The following RNPC3 variants were observed in gnomAD, a reference collection of about 807,000 sequenced individuals.
RNPC3 encodes the protein RNA binding region (RNP1, RRM) containing 3, also known as RNA-binding region-containing protein 3.
A neutral mutation model predicts 67.5 loss-of-function variants in RNPC3; 48 were observed. The observed-to-expected ratio is 0.71, with a 90% confidence interval of 0.56 to 0.90. RNPC3 has a LOEUF of 0.90. Ranked by LOEUF, RNPC3 falls within the 40% of genes least tolerant of loss-of-function variation. RNPC3 has a pLI of 0.00. For missense variants in RNPC3, 637 were observed against 626.1 expected (o/e 1.02, Z -0.19); for synonymous variants, 239 against 210.3 (o/e 1.14, Z -1.18).
chr1:103,536,222 C>T (rs535478044), intron 6 of RNPC3, 28 bp downstream of exon 6: 105 of 1,478,450 alleles, frequency 7.1e-5, no homozygotes, highest in South Asian at 5.3e-4. Flanking sequence ...ATTTTCAAGT[C>T]AAAATTTCTC....
At chr1:103,545,228 T>A in intron 10 of RNPC3, 126 bp downstream of exon 10, 1 of 688,966 alleles carries the variant, frequency 1.5e-6, no homozygotes, top group Non-Finnish European at 2.3e-6. Context: ...TCTCTCCAAT[T>A]AATGTTTGTA....
chr1:103,536,587 A>G (rs1018889798), intron 6 of RNPC3, among the ~76,000 whole-genome samples: 2 of 152,220 alleles, frequency 1.3e-5, no homozygotes, highest in South Asian at 2.1e-4. Flanking sequence ...AAATCTGTCA[A>G]TAATTTAGAA....
chr1:103,553,746 A>G (rs999533353), intron 14 of RNPC3: 3 of 152,218 alleles, frequency 2.0e-5, no homozygotes, highest in Admixed American at 6.5e-5. Context: ...AAGTACTTAC[A>G]TTGAAAATTA....
At position 103,540,654 on chromosome 1, in the gene RNPC3, T is replaced by C. The variant is rs757678900; in HGVS notation, c.768-696T>C. Among the ~76,000 whole-genome samples, 6 of 152,332 alleles carry C rather than the reference T, an allele frequency of 3.9e-5. No homozygotes were observed. In the East Asian group the frequency reaches 1.2e-3, roughly 29 times the overall value. On this transcript the variant is annotated intron_variant, in intron 7 of 14. Transcript: ENST00000423855. ...CCTCCTTCCTCTCTTTTGTATTTTG[T>C]TGTGTGTGTATTTTACAAATACCAC... is the stretch of plus-strand genomic sequence containing the variant.
chr1:103,535,612 G>T (rs13376070), intron 5 of RNPC3, among the ~76,000 whole-genome samples, 171 bp downstream of exon 5: 2 of 151,846 alleles, frequency 1.3e-5, no homozygotes, highest in African/African-American at 4.8e-5. Context: ...ATAAGGTATC[G>T]TATAAGTGGA....
At chr1:103,544,811 T>C (rs1285334264) in intron 9 of RNPC3, 130 bp from the exon 10 acceptor site, 12 of 524,844 alleles carry the variant, frequency 2.3e-5, no homozygotes, top group Admixed American at 1.6e-4. Context: ...CCTCTTTTAG[T>C]ATATTGAGAA....
intron 2 of RNPC3, among the ~76,000 whole-genome samples, chr1:103,528,521 TGA>T (rs754987880): frequency 2.6e-5 from 4 of 152,128 alleles, no homozygotes; most frequent in Admixed American, 1.3e-4. Flanking sequence ...ATATAGGGGT[TGA>T]GAGAGAATAG....
At chr1:103,547,272 C>T (rs929891709) in intron 12 of RNPC3, among the ~76,000 whole-genome samples, 3 of 152,138 alleles carry the variant, frequency 2.0e-5, no homozygotes, top group African/African-American at 7.2e-5. Flanking sequence ...CATACAGTGT[C>T]TGTTGGAATT....
At chr1:103,533,250 T>A (rs1650905153) in intron 2 of RNPC3, among the ~76,000 whole-genome samples, 1 of 152,068 alleles carries the variant, frequency 6.6e-6, no homozygotes, top group African/African-American at 2.4e-5. Context: ...ATGTCATCAA[T>A]TCTGTTGTCT....
chr1:103,539,397 G>A (rs147499264), intron 7 of RNPC3, among the ~76,000 whole-genome samples: 19,514 of 152,242 alleles, frequency 0.13, 1,579 homozygotes, highest in Admixed American at 0.2. Context: ...AAATGGGAGT[G>A]AATACACTAT....
chr1:103,529,898 C>T (rs7554284), intron 2 of RNPC3, among the ~76,000 whole-genome samples: 14,984 of 152,160 alleles, frequency 0.098, 965 homozygotes, highest in Non-Finnish European at 0.13. Flanking sequence ...AGGGCGACTC[C>T]GCCTGGCTGC....
chr1:103,540,334 A>T (rs1159494965), intron 7 of RNPC3, among the ~76,000 whole-genome samples: 1 of 152,200 alleles, frequency 6.6e-6, no homozygotes, highest in African/African-American at 2.4e-5. Flanking sequence ...GATCTCACGT[A>T]TATGCAAATA....
intron 8 of RNPC3, among the ~76,000 whole-genome samples, chr1:103,542,462 G>T (rs1651143977): frequency 6.6e-6 from 1 of 151,992 alleles, no homozygotes; most frequent in Non-Finnish European, 1.5e-5. Flanking sequence ...AGAAGCCATT[G>T]GAATGCCATT....
intron 7 of RNPC3, among the ~76,000 whole-genome samples, chr1:103,541,116 T>A (rs1440612886): frequency 6.6e-6 from 1 of 152,162 alleles, no homozygotes; most frequent in East Asian, 1.9e-4. Flanking sequence ...TGTAATTAAG[T>A]CTATTTTTAA....
At chr1:103,526,698 A>G (rs1193426990) in intron 1 of RNPC3, among the ~76,000 whole-genome samples, 2 of 152,216 alleles carry the variant, frequency 1.3e-5, no homozygotes, top group Non-Finnish European at 2.9e-5. Context: ...TACATTGGTG[A>G]CTTGCGTAAA....
chr1:103,541,421 GAA>G lies in RNPC3; in HGVS notation c.844_845del (p.Lys282GlufsTer29). The G allele has an allele frequency of 6.7e-7, 1 of 1,492,386 alleles. No individual in the cohort carries two copies. The highest frequency in any genetic ancestry group is 8.8e-7 in the Non-Finnish European group (1 of 1,132,426). The allele number at this position is 1,492,386 out of a possible 1,614,324, so 92.4% of individuals were successfully genotyped here. On this transcript the variant is annotated frameshift_variant, in exon 8 of 15. Transcript: ENST00000423855. LOFTEE classifies it high-confidence loss of function. ...AAAACAATAAAGCAGCGCCATGTGA[GAA>G]AAAAGAGAAAAATAAAGGATATGTT...
chr1:103,536,879 C>T (rs1650999559), intron 6 of RNPC3, among the ~76,000 whole-genome samples: 1 of 151,744 alleles, frequency 6.6e-6, no homozygotes, highest in African/African-American at 2.4e-5. Flanking sequence ...AATTCTTAGT[C>T]ATTTAATACA....
chr1:103,546,551 G>T, intron 11 of RNPC3: 1 of 368,108 alleles, frequency 2.7e-6, no homozygotes. Context: ...TAAATACTGA[G>T]ACAGAGTTTG....
At chr1:103,543,230 G>T in intron 8 of RNPC3, 66 bp from the exon 9 acceptor site, 1 of 1,150,684 alleles carries the variant, frequency 8.7e-7, no homozygotes, top group Non-Finnish European at 1.1e-6. Flanking sequence ...AAATAAACTT[G>T]AAATAATATT....
Sources: gnomAD v4.1 joint callset for allele counts (sites outside exome capture counted in the v4.1 genomes callset) on GRCh38, gnomAD v4.1.1 for gene constraint, MANE v1.5 for transcripts, NCBI Gene and HGNC (gene_info 2026-07-23, HGNC 2026-07-21) for gene names.